Variants in TYW1B observed in about 807,000 individuals in gnomAD.
The protein encoded by TYW1B is S-adenosyl-L-methionine-dependent tRNA 4-demethylwyosine synthase TYW1B.
TYW1B carries 73 observed loss-of-function variants against 86.9 expected under a neutral mutation model. The ratio of observed to expected loss-of-function variants is 0.84; its 90% CI spans 0.70 to 1.02. TYW1B has a LOEUF of 1.02. TYW1B is among the 50% of genes least tolerant of loss of function. The probability of loss-of-function intolerance (pLI) is 0.00; values close to 1 mark genes in which losing one functional copy is unlikely to be tolerated. For missense variants in TYW1B, 637 were observed against 827.4 expected, an observed-to-expected ratio of 0.77 and a Z score of 2.82; for synonymous variants, 248 against 292.8, an observed-to-expected ratio of 0.85 and a Z score of 1.56.
intron 6 of TYW1B, among the ~76,000 whole-genome samples, chr7:72,787,770 CA>C (rs1413958294): frequency 3.3e-4 from 49 of 146,704 alleles, no homozygotes; most frequent in East Asian, 3.0e-3. Context: ...ACTCCATCTC[CA>C]AAAAAAAGAA....
At chr7:72,626,136 T>G (rs1554438770) in intron 12 of TYW1B, among the ~76,000 whole-genome samples, 1 of 151,276 alleles carries the variant, frequency 6.6e-6, no homozygotes, top group African/African-American at 2.4e-5. Flanking sequence ...CCTTTTGAAA[T>G]TAAGTGCAAT....
chr7:72,604,150 CAT>C (rs1266047234), intron 13 of TYW1B, among the ~76,000 whole-genome samples: 2 of 152,008 alleles, frequency 1.3e-5, no homozygotes, highest in Non-Finnish European at 1.5e-5. Context: ...TTCTGTAAAA[CAT>C]AAAGTCTATT....
chr7:72,696,193 G>A (rs558386701), intron 10 of TYW1B, among the ~76,000 whole-genome samples: 5 of 151,914 alleles, frequency 3.3e-5, no homozygotes, highest in South Asian at 2.1e-4. Context: ...GGTGATCCAC[G>A]CACCTTGGCC....
chr7:72,778,489 G>A (rs1362030807), intron 6 of TYW1B, among the ~76,000 whole-genome samples: 2 of 151,932 alleles, frequency 1.3e-5, no homozygotes, highest in African/African-American at 4.8e-5. Context: ...TCGCTTTGTC[G>A]CCCAGGCCAG....
At chr7:72,691,577 G>A (rs1440608232) in intron 11 of TYW1B, among the ~76,000 whole-genome samples, 1 of 152,138 alleles carries the variant, frequency 6.6e-6, no homozygotes, top group Non-Finnish European at 1.5e-5. Context: ...AAACTATTAA[G>A]CTATTGTGTT....
chr7:72,657,721 T>C (rs1286539856), intron 11 of TYW1B, among the ~76,000 whole-genome samples: 1 of 152,192 alleles, frequency 6.6e-6, no homozygotes, highest in African/African-American at 2.4e-5. Context: ...TTATCAAAAA[T>C]ACTACATCCA....
chr7:72,632,474 A>T (rs570103556), intron 11 of TYW1B, among the ~76,000 whole-genome samples: 37 of 122,038 alleles, frequency 3.0e-4, no homozygotes, highest in East Asian at 1.9e-3. Context: ...TATATATATA[A>T]AATATATATA....
chr7:72,583,873 T>C (rs1222987261), intron 13 of TYW1B, among the ~76,000 whole-genome samples: 4 of 152,212 alleles, frequency 2.6e-5, no homozygotes, highest in African/African-American at 9.6e-5. Flanking sequence ...GTGATAGATG[T>C]GCTTAGGCCA....
chr7:72,648,409 A>G (rs1361868881), intron 11 of TYW1B, among the ~76,000 whole-genome samples: 1 of 151,950 alleles, frequency 6.6e-6, no homozygotes, highest in Admixed American at 6.6e-5. Context: ...TGGACTTGGT[A>G]GCGCATGCCT....
chr7:72,818,916 G>A (rs1470897712), intron 2 of TYW1B, among the ~76,000 whole-genome samples: 4 of 152,062 alleles, frequency 2.6e-5, no homozygotes, highest in South Asian at 2.1e-4. Context: ...AGCACCTCCC[G>A]CCAAGCCCCA....
intron 7 of TYW1B, among the ~76,000 whole-genome samples, chr7:72,753,563 C>T (rs1006556171): frequency 2.2e-4 from 34 of 151,274 alleles, no homozygotes; most frequent in African/African-American, 8.3e-4. Flanking sequence ...TCACTGCAAC[C>T]TCTGCCACCC....
chr7:72,815,788 C>T (rs1280120304), intron 2 of TYW1B, among the ~76,000 whole-genome samples: 1 of 152,052 alleles, frequency 6.6e-6, no homozygotes, highest in Non-Finnish European at 1.5e-5. Flanking sequence ...GCCTGTAATC[C>T]CAGCACTTTG....
intron 13 of TYW1B, among the ~76,000 whole-genome samples, chr7:72,592,302 G>A (rs1478010559): frequency 1.3e-5 from 2 of 152,008 alleles, no homozygotes; most frequent in Non-Finnish European, 2.9e-5. Flanking sequence ...TTTGTATGCT[G>A]TTGAAGTTAA....
At chr7:72,823,602 CAG>C (rs1323782110) in intron 2 of TYW1B, among the ~76,000 whole-genome samples, 1 of 151,578 alleles carries the variant, frequency 6.6e-6, no homozygotes, top group African/African-American at 2.4e-5. Context: ...CCTGGCGACA[CAG>C]GGAGACTCCA....
At chr7:72,819,004 C>T (rs1317475901) in intron 2 of TYW1B, among the ~76,000 whole-genome samples, 2 of 152,128 alleles carry the variant, frequency 1.3e-5, no homozygotes, top group African/African-American at 2.4e-5. Flanking sequence ...TACCCAGCTG[C>T]AGGTATTCCT....
At chr7:72,612,198 T>C (rs1316625731) in intron 13 of TYW1B, among the ~76,000 whole-genome samples, 1 of 152,054 alleles carries the variant, frequency 6.6e-6, no homozygotes, top group African/African-American at 2.4e-5. Flanking sequence ...GGGATTTAAT[T>C]AGAGAGAACG....
At chr7:72,681,120 A>G (rs1455231956) in intron 11 of TYW1B, among the ~76,000 whole-genome samples, 1 of 152,190 alleles carries the variant, frequency 6.6e-6, no homozygotes, top group African/African-American at 2.4e-5. Flanking sequence ...AATAGGTGGC[A>G]GAGCCAGTAT....
At chr7:72,798,499 A>C (rs1554475001) in intron 6 of TYW1B, among the ~76,000 whole-genome samples, 1 of 152,184 alleles carries the variant, frequency 6.6e-6, no homozygotes, top group Non-Finnish European at 1.5e-5. Context: ...CCACACAACA[A>C]TATTCCATTG....
At chr7:72,642,461 A>G (rs1283086754) in intron 11 of TYW1B, among the ~76,000 whole-genome samples, 1 of 152,234 alleles carries the variant, frequency 6.6e-6, no homozygotes, top group Non-Finnish European at 1.5e-5. Context: ...TGAAACATAT[A>G]TTCACACTAA....
Sources: allele counts gnomAD v4.1 joint callset (sites outside exome capture counted in the v4.1 genomes callset), GRCh38; gene constraint gnomAD v4.1.1; transcripts MANE v1.5; gene names NCBI Gene and HGNC (gene_info 2026-07-23, HGNC 2026-07-21).